The following B3GLCT variants were observed in gnomAD, a reference collection of about 807,000 sequenced individuals.
B3GLCT encodes the protein beta 3-glucosyltransferase, also known as beta-1,3-glucosyltransferase.
B3GLCT carries 65 observed loss-of-function variants against 63.4 expected under a neutral mutation model. That is an observed-to-expected ratio of 1.03 (90% confidence interval 0.84 to 1.26). B3GLCT has a LOEUF of 1.26. Ranked by LOEUF, B3GLCT falls within the 50% of genes most tolerant of loss-of-function variation. B3GLCT has a pLI of 0.00. For synonymous variants in B3GLCT, 233 were observed against 219.2 expected, an observed-to-expected ratio of 1.06 and a Z score of -0.55; for missense variants, 577 against 604.8, an observed-to-expected ratio of 0.95 and a Z score of 0.48.
chr13:31,257,406 G>A (rs973925276), intron 6 of B3GLCT, among the ~76,000 whole-genome samples: 8 of 151,718 alleles, frequency 5.3e-5, no homozygotes, highest in Non-Finnish European at 1.0e-4. Flanking sequence ...CTCAAGCTGA[G>A]GTCATTTGTC....
chr13:31,243,303 CA>C (rs1871040515), intron 4 of B3GLCT, among the ~76,000 whole-genome samples: 1 of 152,108 alleles, frequency 6.6e-6, no homozygotes, highest in Admixed American at 6.5e-5. Context: ...AAATTAAGGA[CA>C]AATGACAAAT....
intron 4 of B3GLCT, among the ~76,000 whole-genome samples, chr13:31,232,487 G>T (rs1870431203): frequency 6.6e-6 from 1 of 152,138 alleles, no homozygotes; most frequent in Non-Finnish European, 1.5e-5. Flanking sequence ...CTCTCCTCAC[G>T]ACAGTACCAA....
intron 4 of B3GLCT, among the ~76,000 whole-genome samples, chr13:31,245,173 T>C (rs1871140729): frequency 1.3e-5 from 2 of 152,186 alleles, no homozygotes; most frequent in African/African-American, 4.8e-5. Context: ...CCACATTTTA[T>C]GTTGTGGCAG....
At chr13:31,296,167 A>G (rs1024078977) in intron 12 of B3GLCT, among the ~76,000 whole-genome samples, 2 of 152,120 alleles carry the variant, frequency 1.3e-5, no homozygotes, top group Non-Finnish European at 2.9e-5. Flanking sequence ...TCCCAATGAG[A>G]TGCACCAGGT....
chr13:31,200,149 C>T lies in B3GLCT; in HGVS notation c.65C>T (p.Ser22Phe), dbSNP rs1868558702. 8 of 1,348,326 alleles carry T rather than the reference C, an allele frequency of 5.9e-6. No individual in the cohort carries two copies. The East Asian group carries it at 2.2e-4, about 37-fold the overall frequency. The allele number at this position is 1,348,326 out of a possible 1,614,324, so 83.5% of individuals were successfully genotyped here. ...PPALLALLTCSLAFGLASEDT... is the reference protein window; with the variant it reads ...PPALLALLTCFLAFGLASEDT... ...GCGCTGCTCGCGCTCCTCACCTGCT[C>T]CCTGGGTAAGTAGCGGGCGGCCAGG... The change falls in exon 1 of 15, where the codon TCC (serine) becomes TTC (phenylalanine). Residue 22 changes from serine to phenylalanine, a missense_variant. Coordinates refer to ENST00000343307, the MANE Select transcript of B3GLCT (RefSeq NM_194318.4).
intron 10 of B3GLCT, among the ~76,000 whole-genome samples, chr13:31,284,205 G>A (rs9600238): frequency 0.013 from 1,949 of 152,290 alleles, 54 homozygotes; most frequent in African/African-American, 0.045. Flanking sequence ...ATTTGGCAAG[G>A]TCATGCCCTT....
chr13:31,271,323 A>G (rs949817557), intron 8 of B3GLCT, among the ~76,000 whole-genome samples: 1 of 152,126 alleles, frequency 6.6e-6, no homozygotes, highest in African/African-American at 2.4e-5. Context: ...TTTACTTTCT[A>G]TAGTAGTCTC....
intron 7 of B3GLCT, among the ~76,000 whole-genome samples, chr13:31,267,500 C>T (rs1872383241): frequency 6.6e-6 from 1 of 152,226 alleles, no homozygotes; most frequent in South Asian, 2.1e-4. Context: ...CCAGGGCAGA[C>T]ATTTTTTCTC....
intron 13 of B3GLCT, among the ~76,000 whole-genome samples, chr13:31,323,504 A>G (rs1187834013): frequency 1.3e-5 from 2 of 152,236 alleles, no homozygotes; most frequent in African/African-American, 2.4e-5. Context: ...ATCAGAATGA[A>G]AACAAGAAAC....
At chr13:31,247,193 C>CA (rs1871236787) in intron 5 of B3GLCT, 94 bp downstream of exon 5, 1 of 1,007,018 alleles carries the variant, frequency 9.9e-7, no homozygotes, top group Admixed American at 1.9e-5. Flanking sequence ...TGGTTTTCCT[C>CA]AGTCAGTAAG....
chr13:31,324,632 T>G (rs1050108797), intron 14 of B3GLCT, among the ~76,000 whole-genome samples: 1 of 152,206 alleles, frequency 6.6e-6, no homozygotes, highest in Admixed American at 6.5e-5. Flanking sequence ...CCTCAAGAAA[T>G]TTAAAGTTTT....
At chr13:31,275,173 A>G (rs1368556817) in intron 9 of B3GLCT, among the ~76,000 whole-genome samples, 1 of 152,250 alleles carries the variant, frequency 6.6e-6, no homozygotes, top group Non-Finnish European at 1.5e-5. Context: ...TTACATACTA[A>G]AAAGAAAATC....
intron 12 of B3GLCT, among the ~76,000 whole-genome samples, chr13:31,293,452 C>T (rs1340374815): frequency 3.3e-5 from 5 of 152,226 alleles, no homozygotes; most frequent in African/African-American, 9.6e-5. Context: ...CTTTGTAGGT[C>T]TTTAAGAACT....
chr13:31,272,448 C>G (rs1016050736), intron 8 of B3GLCT, among the ~76,000 whole-genome samples: 1 of 151,932 alleles, frequency 6.6e-6, no homozygotes, highest in African/African-American at 2.4e-5. Flanking sequence ...GAATTCCTGA[C>G]CTTGTGATCT....
intron 10 of B3GLCT, among the ~76,000 whole-genome samples, chr13:31,279,299 C>T (rs759162774): frequency 1.5e-4 from 23 of 151,218 alleles, no homozygotes; most frequent in Admixed American, 7.9e-4. Context: ...ATTTTTTTTT[C>T]ATTTTCTTTT....
chr13:31,207,466 A>G (rs1188997476), intron 1 of B3GLCT, among the ~76,000 whole-genome samples: 1 of 152,180 alleles, frequency 6.6e-6, no homozygotes, highest in Non-Finnish European at 1.5e-5. Flanking sequence ...TGGTTTGCAT[A>G]TCCTGAGTGA....
At chr13:31,254,994 G>A (rs1432137056) in intron 6 of B3GLCT, among the ~76,000 whole-genome samples, 1 of 147,742 alleles carries the variant, frequency 6.8e-6, no homozygotes, top group Non-Finnish European at 1.5e-5. Flanking sequence ...CTGAGATGGC[G>A]CCACTGCACT....
At chr13:31,255,054 A>T (rs562653424) in intron 6 of B3GLCT, among the ~76,000 whole-genome samples, 1 of 145,924 alleles carries the variant, frequency 6.9e-6, no homozygotes, top group African/African-American at 2.5e-5. Flanking sequence ...AAAAAAAAAA[A>T]GAAAACCCCA....
At chr13:31,240,663 C>T (rs1026822534) in intron 4 of B3GLCT, among the ~76,000 whole-genome samples, 5 of 151,962 alleles carry the variant, frequency 3.3e-5, no homozygotes, top group African/African-American at 1.2e-4. Context: ...CTTTGAGAGT[C>T]ATGAGTGTGA....
Sources: allele counts gnomAD v4.1 joint callset (sites outside exome capture counted in the v4.1 genomes callset), GRCh38; gene constraint gnomAD v4.1.1; transcripts MANE v1.5; gene names NCBI Gene and HGNC (gene_info 2026-07-23, HGNC 2026-07-21).